NKAIN3: variants seen among roughly 807,000 people sequenced by gnomAD.
NKAIN3 encodes sodium/potassium-transporting ATPase subunit beta-1-interacting protein 3.
In NKAIN3, 25 loss-of-function variants were observed where a neutral mutation model predicts 30.2. The ratio of observed to expected loss-of-function variants is 0.83; its 90% CI spans 0.60 to 1.16. The LOEUF (loss-of-function observed/expected upper bound fraction) is 1.16. NKAIN3 is among the 50% of genes most tolerant of loss of function. The pLI, the probability that NKAIN3 is intolerant of heterozygous loss-of-function variation, is 0.00. For synonymous variants in NKAIN3, 91 were observed against 89.6 expected, an observed-to-expected ratio of 1.02 and a Z score of -0.09; for missense variants, 225 against 254.1, an observed-to-expected ratio of 0.89 and a Z score of 0.78.
At chr8:62,878,973 C>T (rs558336792) in intron 4 of NKAIN3, among the ~76,000 whole-genome samples, 209 of 152,226 alleles carry the variant, frequency 1.4e-3, no homozygotes, top group African/African-American at 4.7e-3. Flanking sequence ...AATAAACATA[C>T]GTGTGCATGT....
At chr8:62,846,683 T>A (rs1230333118) in intron 4 of NKAIN3, among the ~76,000 whole-genome samples, 1 of 152,118 alleles carries the variant, frequency 6.6e-6, no homozygotes, top group Non-Finnish European at 1.5e-5. Context: ...AGGCTGCATA[T>A]TATTCTGTGG....
intron 4 of NKAIN3, among the ~76,000 whole-genome samples, chr8:62,760,534 C>A (rs1816618961): frequency 6.6e-6 from 1 of 150,986 alleles, no homozygotes; most frequent in African/African-American, 2.4e-5. Flanking sequence ...GGACAAAAAA[C>A]CAAACACCAC....
intron 1 of NKAIN3, among the ~76,000 whole-genome samples, chr8:62,506,626 CACTACGCCCTG>C (rs1290117299): frequency 2.0e-5 from 3 of 151,734 alleles, no homozygotes; most frequent in Admixed American, 2.0e-4. Flanking sequence ...AGGCACATAC[CACTACGCCCTG>C]CTGAGTTTTG....
At chr8:62,537,564 A>G (rs1220932038) in intron 1 of NKAIN3, among the ~76,000 whole-genome samples, 1 of 151,778 alleles carries the variant, frequency 6.6e-6, no homozygotes, top group Non-Finnish European at 1.5e-5. Flanking sequence ...AGAATCAGGA[A>G]GAGTCTCCTT....
intron 4 of NKAIN3, among the ~76,000 whole-genome samples, chr8:62,763,196 G>A (rs965409886): frequency 2.5e-5 from 3 of 121,274 alleles, no homozygotes; most frequent in Non-Finnish European, 3.3e-5. Flanking sequence ...ACTCCAGCCT[G>A]GGCAACAAGT....
chr8:62,810,314 G>T (rs1166379521), intron 4 of NKAIN3, among the ~76,000 whole-genome samples: 1 of 152,122 alleles, frequency 6.6e-6, no homozygotes, highest in Non-Finnish European at 1.5e-5. Context: ...ATATCACAAA[G>T]CATGCCAGCA....
chr8:62,480,106 T>C (rs1456096812), intron 1 of NKAIN3, among the ~76,000 whole-genome samples: 1 of 151,926 alleles, frequency 6.6e-6, no homozygotes, highest in Non-Finnish European at 1.5e-5. Flanking sequence ...AATTCAGTAC[T>C]TCTTCATCTT....
chr8:62,702,498 A>T (rs1289843228), intron 3 of NKAIN3, among the ~76,000 whole-genome samples: 1 of 152,204 alleles, frequency 6.6e-6, no homozygotes, highest in Admixed American at 6.5e-5. Context: ...TAGAAAGACA[A>T]AATTTCTGTG....
At chr8:62,990,354 A>C in intron 5 of NKAIN3, 1 of 1,325,560 alleles carries the variant, frequency 7.5e-7, no homozygotes, top group Non-Finnish European at 9.7e-7. Flanking sequence ...CATCTTCCTA[A>C]TCTTTCTAGT....
At chr8:62,834,372 G>T (rs1206311446) in intron 4 of NKAIN3, among the ~76,000 whole-genome samples, 1 of 152,028 alleles carries the variant, frequency 6.6e-6, no homozygotes, top group African/African-American at 2.4e-5. Flanking sequence ...AATAGGAAAA[G>T]AAGAATTCAA....
At chr8:62,501,781 C>G (rs1463174589) in intron 1 of NKAIN3, among the ~76,000 whole-genome samples, 1 of 152,106 alleles carries the variant, frequency 6.6e-6, no homozygotes, top group Non-Finnish European at 1.5e-5. Flanking sequence ...GCTTACATTT[C>G]CTGTGTATAA....
At chr8:62,461,806 G>T (rs1319581250) in intron 1 of NKAIN3, among the ~76,000 whole-genome samples, 5 of 152,176 alleles carry the variant, frequency 3.3e-5, no homozygotes, top group Non-Finnish European at 7.3e-5. Context: ...AAACTGAGCA[G>T]AGCCTCAGAT....
At chr8:62,848,168 T>G (rs941552324) in intron 4 of NKAIN3, among the ~76,000 whole-genome samples, 1 of 152,198 alleles carries the variant, frequency 6.6e-6, no homozygotes, top group Non-Finnish European at 1.5e-5. Flanking sequence ...TTGGCTCTTT[T>G]CTGGTTTTAT....
At chr8:62,391,364 G>T (rs1016665411) in intron 1 of NKAIN3, among the ~76,000 whole-genome samples, 1 of 151,990 alleles carries the variant, frequency 6.6e-6, no homozygotes. Context: ...AAATGAACTG[G>T]TACTAATTTA....
chr8:62,471,182 A>G lies in NKAIN3; in HGVS notation c.55-108357A>G, dbSNP rs1159457105. On this transcript the variant is annotated intron_variant, in intron 1 of 6. Transcript: ENST00000623646. The stretch of plus-strand genomic sequence containing the variant: ...TTATGGATGAATTTATTCATAGTGT[A>G]GAAGTTCATAAACATGCATGAAAAT... Among the ~76,000 whole-genome samples the G allele has an allele frequency of 1.3e-5, 2 of 152,160 alleles. 1 individual carries two copies. Among genetic ancestry groups the G allele is most frequent in the South Asian group, 4.1e-4 (2 of 4,830 alleles).
At chr8:62,640,999 C>A (rs1219109641) in intron 3 of NKAIN3, among the ~76,000 whole-genome samples, 2 of 150,744 alleles carry the variant, frequency 1.3e-5, no homozygotes, top group Admixed American at 1.3e-4. Flanking sequence ...AATAGAAAAG[C>A]CTCATTTATT....
At chr8:62,800,507 A>G (rs1208879205) in intron 4 of NKAIN3, among the ~76,000 whole-genome samples, 1 of 152,232 alleles carries the variant, frequency 6.6e-6, no homozygotes, top group Non-Finnish European at 1.5e-5. Flanking sequence ...CCCAGTACAC[A>G]GAACTAAAAT....
At chr8:62,707,545 G>A (rs569985005) in intron 3 of NKAIN3, among the ~76,000 whole-genome samples, 7 of 152,082 alleles carry the variant, frequency 4.6e-5, no homozygotes, top group East Asian at 1.9e-4. Flanking sequence ...GTCTATCCAT[G>A]TCCTTAGCCC....
chr8:62,451,298 C>G, intron 1 of NKAIN3, among the ~76,000 whole-genome samples: 1 of 145,988 alleles, frequency 6.8e-6, no homozygotes, highest in Non-Finnish European at 1.5e-5. Flanking sequence ...CCTCCCCTCC[C>G]GTCCCCTCCC....
Sources: gnomAD v4.1 joint callset for allele counts (sites outside exome capture counted in the v4.1 genomes callset) on GRCh38, gnomAD v4.1.1 for gene constraint, MANE v1.5 for transcripts, NCBI Gene and HGNC (gene_info 2026-07-23, HGNC 2026-07-21) for gene names.